Variants in NDUFS4 observed in about 807,000 individuals in gnomAD.
The protein encoded by NDUFS4 is NADH:ubiquinone oxidoreductase subunit S4.
Under a neutral mutation model 24.3 loss-of-function variants are expected in NDUFS4, and 28 were observed. The observed-to-expected ratio is 1.15, with a 90% CI of 0.85 to 1.58. The LOEUF (loss-of-function observed/expected upper bound fraction) is 1.58, where lower values mean the gene tolerates loss of function less well. Among genes scored for constraint, NDUFS4 ranks in the 40% most tolerant of loss-of-function variants. The pLI is 0.00. For synonymous variants in NDUFS4, 93 were observed against 69.7 expected, an observed-to-expected ratio of 1.34 and a Z score of -1.67; for missense variants, 223 against 207.9, an observed-to-expected ratio of 1.07 and a Z score of -0.45.
chr5:53,602,442 C>A (rs566527188), intron 1 of NDUFS4, among the ~76,000 whole-genome samples: 1 of 152,120 alleles, frequency 6.6e-6, no homozygotes, highest in Admixed American at 6.5e-5. Context: ...ATTCATAAAG[C>A]AGTAAAACCT....
intron 3 of NDUFS4, among the ~76,000 whole-genome samples, chr5:53,650,378 G>A (rs1172226491): frequency 6.6e-6 from 1 of 152,174 alleles, no homozygotes; most frequent in Admixed American, 6.5e-5. Context: ...ATTTCATTTT[G>A]TGTAAGTTTT....
chr5:53,603,586 C>T (rs1325175289), intron 2 of NDUFS4, 56 bp downstream of exon 2: 1 of 1,357,150 alleles, frequency 7.4e-7, no homozygotes, highest in East Asian at 2.3e-5. Flanking sequence ...TATTTTTGTA[C>T]TATAGATATT....
chr5:53,621,690 ATTTTTTTTTTTTTTTT>A (rs58169759), intron 2 of NDUFS4, among the ~76,000 whole-genome samples: 3 of 81,562 alleles, frequency 3.7e-5, no homozygotes, highest in Non-Finnish European at 6.4e-5. Flanking sequence ...CTCATAGTAA[ATTTTTTTTTTTTTTTT>A]TTTTTTTTTT....
At chr5:53,612,119 A>C (rs1044323356) in intron 2 of NDUFS4, among the ~76,000 whole-genome samples, 1 of 152,094 alleles carries the variant, frequency 6.6e-6, no homozygotes, top group African/African-American at 2.4e-5. Context: ...ATGACACAAA[A>C]TAAGCTTTAA....
At chr5:53,666,024 A>G (rs1262184538) in intron 4 of NDUFS4, among the ~76,000 whole-genome samples, 1 of 152,168 alleles carries the variant, frequency 6.6e-6, no homozygotes, top group Admixed American at 6.5e-5. Flanking sequence ...CTTAAGTGCA[A>G]TTCCTTACTT....
intron 1 of NDUFS4, among the ~76,000 whole-genome samples, chr5:53,590,708 A>T (rs1439400271): frequency 6.6e-6 from 1 of 152,170 alleles, no homozygotes; most frequent in East Asian, 1.9e-4. Context: ...ATGTGTCTTT[A>T]TTGGTGTTGT....
chr5:53,645,370 A>G (rs1004851018), intron 2 of NDUFS4, among the ~76,000 whole-genome samples: 3 of 152,190 alleles, frequency 2.0e-5, no homozygotes, highest in Non-Finnish European at 4.4e-5. Flanking sequence ...TAACTCCCAC[A>G]TGCTTAGCAT....
At chr5:53,614,650 T>C (rs1750791984) in intron 2 of NDUFS4, among the ~76,000 whole-genome samples, 1 of 152,030 alleles carries the variant, frequency 6.6e-6, no homozygotes, top group African/African-American at 2.4e-5. Flanking sequence ...ACAACATCTT[T>C]AATGCATAGA....
At chr5:53,592,666 C>G (rs1447616326) in intron 1 of NDUFS4, among the ~76,000 whole-genome samples, 2 of 152,050 alleles carry the variant, frequency 1.3e-5, no homozygotes, top group Admixed American at 1.3e-4. Context: ...ATTGGATTGC[C>G]CTTGTTTCTT....
intron 2 of NDUFS4, among the ~76,000 whole-genome samples, chr5:53,608,992 A>G (rs1416102410): frequency 6.6e-6 from 1 of 152,186 alleles, no homozygotes; most frequent in Non-Finnish European, 1.5e-5. Context: ...TCTGAATATT[A>G]CAAGGTGACA....
chr5:53,616,912 C>T (rs1296481164), intron 2 of NDUFS4, among the ~76,000 whole-genome samples: 4 of 152,174 alleles, frequency 2.6e-5, no homozygotes, highest in African/African-American at 4.8e-5. Flanking sequence ...GTTTTATATA[C>T]GATATAACAA....
chr5:53,583,496 A>G (rs979181899), intron 1 of NDUFS4, among the ~76,000 whole-genome samples: 1 of 152,192 alleles, frequency 6.6e-6, no homozygotes, highest in Non-Finnish European at 1.5e-5. Context: ...CTGTATAGCT[A>G]TTATGTGATT....
In NDUFS4 at chr5:53,579,253, C is replaced by T. The variant is rs74374967; in HGVS notation, c.98+18493C>T. Among the ~76,000 whole-genome samples, 1,448 of 152,232 alleles carry T rather than the reference C, an allele frequency of 9.5e-3. 17 individuals are homozygous for T. The highest frequency in any genetic ancestry group is 0.032 in the African/African-American group (1,320 of 41,542). Reference sequence around the variant, plus strand: ...TAAGAGTTTGATTTATACCTTTTTACGCTTTCTAAAATGTTTCAAATTAGA... The same window carrying T: ...TAAGAGTTTGATTTATACCTTTTTATGCTTTCTAAAATGTTTCAAATTAGA... On this transcript the variant is annotated intron_variant, in intron 1 of 4. Coordinates refer to ENST00000296684, the MANE Select transcript of NDUFS4 (RefSeq NM_002495.4).
chr5:53,649,083 A>T (rs1447619960), intron 3 of NDUFS4, among the ~76,000 whole-genome samples: 1 of 152,198 alleles, frequency 6.6e-6, no homozygotes, highest in East Asian at 1.9e-4. Context: ...ATCAGAAACA[A>T]TAGGAATCTA....
intron 2 of NDUFS4, among the ~76,000 whole-genome samples, chr5:53,628,488 T>C (rs1211854852): frequency 6.6e-6 from 1 of 152,204 alleles, no homozygotes; most frequent in Non-Finnish European, 1.5e-5. Flanking sequence ...CTGGTAGAAT[T>C]CGGCTATGAA....
intron 1 of NDUFS4, among the ~76,000 whole-genome samples, chr5:53,573,941 T>C (rs1416519210): frequency 1.3e-5 from 2 of 152,208 alleles, no homozygotes; most frequent in African/African-American, 4.8e-5. Context: ...GTGTGATTGA[T>C]TTTTGTGGTT....
intron 2 of NDUFS4, among the ~76,000 whole-genome samples, chr5:53,631,844 C>T (rs1751419838): frequency 6.6e-6 from 1 of 152,152 alleles, no homozygotes; most frequent in South Asian, 2.1e-4. Context: ...AAGCCAGGCA[C>T]CGATGGGAAT....
intron 1 of NDUFS4, among the ~76,000 whole-genome samples, chr5:53,564,359 C>T (rs1748952392): frequency 6.6e-6 from 1 of 152,102 alleles, no homozygotes; most frequent in African/African-American, 2.4e-5. Flanking sequence ...TAAATAAATT[C>T]CTCTCCTAGG....
intron 2 of NDUFS4, chr5:53,604,960 G>T: frequency 4.5e-6 from 2 of 439,648 alleles, no homozygotes; most frequent in South Asian, 3.2e-5. Context: ...GGTGGCTCAT[G>T]CCTGTAATCC....
Sources: gnomAD v4.1 joint callset for allele counts (sites outside exome capture counted in the v4.1 genomes callset) on GRCh38, gnomAD v4.1.1 for gene constraint, MANE v1.5 for transcripts, NCBI Gene and HGNC (gene_info 2026-07-23, HGNC 2026-07-21) for gene names.